Variants in STARD13 observed in about 807,000 individuals in gnomAD.
STARD13 encodes StAR related lipid transfer domain containing 13.
Under a neutral mutation model 106.4 loss-of-function variants are expected in STARD13, and 62 were observed. The ratio of observed to expected loss-of-function variants is 0.58; its 90% confidence interval spans 0.48 to 0.72. The LOEUF is 0.72. Among genes scored for constraint, STARD13 ranks in the 30% least tolerant of loss-of-function variants. The probability of loss-of-function intolerance (pLI) is 0.00; values close to 1 mark genes in which losing one functional copy is unlikely to be tolerated. For missense variants in STARD13, 1,387 were observed against 1,424.0 expected (o/e 0.97, Z 0.42); for synonymous variants, 565 against 553.0 (o/e 1.02, Z -0.31).
chr13:33,586,260 G>A, the STARD13 span, among the ~76,000 whole-genome samples: 1 of 152,140 alleles, frequency 6.6e-6, no homozygotes, highest in Non-Finnish European at 1.5e-5. Context: ...GTATGGCAGA[G>A]CTAAAACAAG....
At chr13:33,124,511 G>C (rs1448038511) in intron 7 of STARD13, among the ~76,000 whole-genome samples, 3 of 152,162 alleles carry the variant, frequency 2.0e-5, no homozygotes, top group East Asian at 3.8e-4. Context: ...AAATTGACCT[G>C]AGATGGACAC....
At chr13:33,618,804 G>C in the STARD13 span, among the ~76,000 whole-genome samples, 1 of 151,962 alleles carries the variant, frequency 6.6e-6, no homozygotes, top group African/African-American at 2.4e-5. Flanking sequence ...AGCCCAAGCA[G>C]TGCACAGTGC....
the STARD13 span, among the ~76,000 whole-genome samples, chr13:33,625,761 G>A: frequency 6.6e-6 from 1 of 151,122 alleles, no homozygotes; most frequent in South Asian, 2.1e-4. Context: ...GAATGCGGTG[G>A]CACCATCACA....
the STARD13 span, among the ~76,000 whole-genome samples, chr13:33,641,547 G>A: frequency 6.6e-5 from 10 of 152,108 alleles, no homozygotes; most frequent in Non-Finnish European, 1.3e-4. Context: ...GGAAAGAATG[G>A]GATTGAGAGA....
the STARD13 span, among the ~76,000 whole-genome samples, chr13:33,630,255 C>T: frequency 6.6e-6 from 1 of 152,178 alleles, no homozygotes. Context: ...GTCCCTCCCT[C>T]ATTAGCCACT....
intron 1 of STARD13, among the ~76,000 whole-genome samples, chr13:33,250,945 C>T (rs1276139189): frequency 6.6e-6 from 1 of 152,006 alleles, no homozygotes; most frequent in Non-Finnish European, 1.5e-5. Context: ...TGTAGAAGCT[C>T]ACTATGCTTT....
At chr13:33,247,870 A>G (rs1889908495) in intron 1 of STARD13, among the ~76,000 whole-genome samples, 1 of 152,082 alleles carries the variant, frequency 6.6e-6, no homozygotes, top group Non-Finnish European at 1.5e-5. Context: ...AGGTGCCCAG[A>G]CACCCCAGGT....
At chr13:33,516,788 A>G in the STARD13 span, among the ~76,000 whole-genome samples, 975 of 152,060 alleles carry the variant, frequency 6.4e-3, 9 homozygotes, top group African/African-American at 0.02. Flanking sequence ...AGAAAGTTAC[A>G]TATCAGGCCA....
At chr13:33,263,713 G>C (rs1890756307) in intron 1 of STARD13, among the ~76,000 whole-genome samples, 1 of 152,218 alleles carries the variant, frequency 6.6e-6, no homozygotes, top group African/African-American at 2.4e-5. Flanking sequence ...CTCTCTTCAT[G>C]TTGGGGACAA....
chr13:33,229,935 G>A (rs1338824059), intron 1 of STARD13, among the ~76,000 whole-genome samples: 1 of 152,188 alleles, frequency 6.6e-6, no homozygotes, highest in African/African-American at 2.4e-5. Flanking sequence ...CTTAGTGGTG[G>A]TTGCCTGCTG....
the STARD13 span, among the ~76,000 whole-genome samples, chr13:33,412,632 T>A: frequency 6.4e-4 from 97 of 151,886 alleles, no homozygotes; most frequent in African/African-American, 2.3e-3. Flanking sequence ...AATGAAAAAA[T>A]ATACCATACA....
the STARD13 span, among the ~76,000 whole-genome samples, chr13:33,365,536 A>C: frequency 1.3e-5 from 2 of 152,130 alleles, no homozygotes; most frequent in African/African-American, 4.8e-5. Flanking sequence ...AAGACTTGAG[A>C]TTTCCCTCCT....
At chr13:33,475,001 T>TA in the STARD13 span, among the ~76,000 whole-genome samples, 6 of 152,118 alleles carry the variant, frequency 3.9e-5, no homozygotes, top group African/African-American at 1.4e-4. Context: ...GAGAAACTGT[T>TA]AAAAAATAAA....
At chr13:33,529,553 A>T in the STARD13 span, among the ~76,000 whole-genome samples, 33 of 152,312 alleles carry the variant, frequency 2.2e-4, no homozygotes, top group East Asian at 6.4e-3. Context: ...GGACTGAGGA[A>T]ACAAAAATAA....
At chr13:33,343,261 T>TA (rs922000732) in intron 1 of STARD13, among the ~76,000 whole-genome samples, 3 of 149,898 alleles carry the variant, frequency 2.0e-5, no homozygotes, top group African/African-American at 4.9e-5. Flanking sequence ...ATAGTAAAAT[T>TA]AAAAAAAATT....
chr13:33,635,998 T>C, the STARD13 span, among the ~76,000 whole-genome samples: 1 of 151,354 alleles, frequency 6.6e-6, no homozygotes, highest in East Asian at 2.0e-4. Flanking sequence ...AAACATTAGC[T>C]GGGCATGGTT....
downstream of STARD13, among the ~76,000 whole-genome samples, chr13:33,347,402 AT>A (rs1566152570): frequency 6.6e-6 from 1 of 151,824 alleles, no homozygotes; most frequent in East Asian, 1.9e-4. Context: ...CACCTGGCTA[AT>A]TTTTTTGTTT....
At chr13:33,309,140 C>A (rs1028479609) in intron 1 of STARD13, among the ~76,000 whole-genome samples, 2 of 152,168 alleles carry the variant, frequency 1.3e-5, no homozygotes, top group Admixed American at 1.3e-4. Flanking sequence ...CACTAAATTC[C>A]AATAACTCAA....
At chr13:33,656,352 T>A in the STARD13 span, among the ~76,000 whole-genome samples, 4 of 152,178 alleles carry the variant, frequency 2.6e-5, no homozygotes, top group African/African-American at 7.2e-5. Context: ...GGAAGATCAA[T>A]CTAAGAAATA....
Sources: allele counts gnomAD v4.1 joint callset (sites outside exome capture counted in the v4.1 genomes callset), GRCh38; gene constraint gnomAD v4.1.1; transcripts MANE v1.5; gene names NCBI Gene and HGNC (gene_info 2026-07-23, HGNC 2026-07-21).